Variants in SH3GL2 observed in about 807,000 individuals in gnomAD.
SH3GL2 encodes endophilin-A1.
Under a neutral mutation model 46.0 loss-of-function variants are expected in SH3GL2, and 24 were observed. The ratio of observed to expected loss-of-function variants is 0.52; its 90% CI spans 0.38 to 0.73. The LOEUF is 0.73. Ranked by LOEUF, SH3GL2 falls within the 30% of genes least tolerant of loss-of-function variation. The pLI, the probability that SH3GL2 is intolerant of heterozygous loss-of-function variation, is 0.00. For synonymous variants in SH3GL2, 196 were observed against 147.1 expected (o/e 1.33, Z -2.40); for missense variants, 413 against 424.2 (o/e 0.97, Z 0.23).
intron 1 of SH3GL2, among the ~76,000 whole-genome samples, chr9:17,717,805 A>G (rs930024157): frequency 1.0e-5 from 1 of 97,274 alleles, no homozygotes; most frequent in Admixed American, 1.1e-4. Context: ...ATTATGTTTG[A>G]TATTATTTAG....
At chr9:17,579,385 C>A in intron 1 of SH3GL2, 98 bp downstream of exon 1, 1 of 678,990 alleles carries the variant, frequency 1.5e-6, no homozygotes, top group Non-Finnish European at 2.1e-6. Context: ...GGGAGTTCGG[C>A]ACCGAGCCTC....
At chr9:17,790,814 T>C (rs551733470) in intron 6 of SH3GL2, among the ~76,000 whole-genome samples, 26 of 152,234 alleles carry the variant, frequency 1.7e-4, no homozygotes, top group African/African-American at 6.0e-4. Flanking sequence ...ATGTGAGATA[T>C]TGTCACATTT....
chr9:17,703,665 A>G (rs761507277), intron 1 of SH3GL2, among the ~76,000 whole-genome samples: 1 of 152,134 alleles, frequency 6.6e-6, no homozygotes, highest in Non-Finnish European at 1.5e-5. Context: ...AAATCAATAT[A>G]TGTGATTCGT....
At chr9:17,758,616 C>T (rs1414124520) in intron 2 of SH3GL2, among the ~76,000 whole-genome samples, 1 of 136,998 alleles carries the variant, frequency 7.3e-6, no homozygotes, top group Admixed American at 7.8e-5. Context: ...TAGCAAGGGC[C>T]TAGGAATGGA....
intron 1 of SH3GL2, among the ~76,000 whole-genome samples, chr9:17,732,082 G>A (rs1476707189): frequency 1.3e-5 from 2 of 152,164 alleles, no homozygotes; most frequent in Non-Finnish European, 2.9e-5. Context: ...TAAATGACAT[G>A]AGTGTTGAGT....
intron 1 of SH3GL2, among the ~76,000 whole-genome samples, chr9:17,722,496 A>G (rs1000334776): frequency 6.6e-6 from 1 of 151,964 alleles, no homozygotes; most frequent in Non-Finnish European, 1.5e-5. Flanking sequence ...ATGAGTGTGC[A>G]GTAAAATTTT....
intron 1 of SH3GL2, among the ~76,000 whole-genome samples, chr9:17,708,547 A>G (rs1183000248): frequency 1.3e-5 from 2 of 152,018 alleles, no homozygotes; most frequent in Admixed American, 1.3e-4. Context: ...TATATATTTA[A>G]CAAATATATA....
At chr9:17,757,343 A>C (rs1436073043) in intron 2 of SH3GL2, among the ~76,000 whole-genome samples, 1 of 152,250 alleles carries the variant, frequency 6.6e-6, no homozygotes, top group African/African-American at 2.4e-5. Flanking sequence ...TCTGCACAGC[A>C]AAAGAAACTA....
In SH3GL2 at chr9:17,751,479, C is replaced by CGTGTGTGT. The variant is rs58212352; in HGVS notation, c.114+4368_114+4375dup. On this transcript the variant is annotated intron_variant, in intron 2 of 8. Coordinates refer to ENST00000380607, the MANE Select transcript of SH3GL2 (RefSeq NM_003026.5). The stretch of plus-strand genomic sequence containing the variant: ...TTTGGTGTGTGTGTTTTTGTGTGTG[C>CGTGTGTGT]GTGTGTGTGTGTGTGTGTGTGTGTG... Among the ~76,000 whole-genome samples the CGTGTGTGT allele has an allele frequency of 3.4e-3, 504 of 146,472 alleles. 3 individuals are homozygous for CGTGTGTGT. The highest frequency in any genetic ancestry group is 0.024 in the South Asian group (110 of 4,558).
intron 1 of SH3GL2, among the ~76,000 whole-genome samples, chr9:17,745,841 A>G (rs1165990353): frequency 2.0e-5 from 3 of 152,134 alleles, no homozygotes; most frequent in East Asian, 1.9e-4. Context: ...CCTAGCTGCT[A>G]TTGAAGGAAA....
chr9:17,764,181 G>T (rs981520249), intron 3 of SH3GL2, among the ~76,000 whole-genome samples: 1 of 152,140 alleles, frequency 6.6e-6, no homozygotes, highest in Admixed American at 6.5e-5. Context: ...GTTATGTATG[G>T]GCAGGCCACA....
chr9:17,591,566 T>C (rs1281969032), intron 1 of SH3GL2, among the ~76,000 whole-genome samples: 1 of 152,230 alleles, frequency 6.6e-6, no homozygotes, highest in African/African-American at 2.4e-5. Flanking sequence ...TTTGTATCAG[T>C]TATTCAGGAA....
chr9:17,678,941 T>C (rs955576405), intron 1 of SH3GL2, among the ~76,000 whole-genome samples: 4 of 152,202 alleles, frequency 2.6e-5, no homozygotes, highest in Non-Finnish European at 4.4e-5. Flanking sequence ...CAGACTGTTG[T>C]AGATGTGTGA....
intron 1 of SH3GL2, among the ~76,000 whole-genome samples, chr9:17,661,957 T>G (rs1298585477): frequency 6.6e-6 from 1 of 152,224 alleles, no homozygotes; most frequent in Admixed American, 6.5e-5. Flanking sequence ...GTCTTTTGGT[T>G]AATTTCTCTG....
chr9:17,754,199 T>C (rs1822925582), intron 2 of SH3GL2, among the ~76,000 whole-genome samples: 1 of 152,178 alleles, frequency 6.6e-6, no homozygotes, highest in Non-Finnish European at 1.5e-5. Context: ...AAAGTACTTT[T>C]TCCTAGTTCT....
intron 1 of SH3GL2, among the ~76,000 whole-genome samples, chr9:17,645,033 A>T (rs998411118): frequency 2.0e-5 from 3 of 151,570 alleles, no homozygotes; most frequent in African/African-American, 4.9e-5. Context: ...TATATTTAGG[A>T]TAGTTAGCTC....
At chr9:17,737,058 T>C (rs919095497) in intron 1 of SH3GL2, among the ~76,000 whole-genome samples, 1 of 152,134 alleles carries the variant, frequency 6.6e-6, no homozygotes, top group Non-Finnish European at 1.5e-5. Flanking sequence ...TGCGGGGACA[T>C]AGCCGAAGCT....
intron 1 of SH3GL2, among the ~76,000 whole-genome samples, chr9:17,685,148 G>T (rs981836758): frequency 6.6e-6 from 1 of 151,844 alleles, no homozygotes; most frequent in African/African-American, 2.4e-5. Flanking sequence ...TATGTCTGTG[G>T]GTATATGTAT....
At chr9:17,760,799 G>A (rs1823148315) in intron 2 of SH3GL2, among the ~76,000 whole-genome samples, 3 of 152,284 alleles carry the variant, frequency 2.0e-5, no homozygotes, top group Non-Finnish European at 4.4e-5. Context: ...CACCTTCCAT[G>A]ACCTCTTTCA....
Sources: allele counts gnomAD v4.1 joint callset (sites outside exome capture counted in the v4.1 genomes callset), GRCh38; gene constraint gnomAD v4.1.1; transcripts MANE v1.5; gene names NCBI Gene and HGNC (gene_info 2026-07-23, HGNC 2026-07-21).